XKR4: variants seen among roughly 807,000 people sequenced by gnomAD.
XKR4 encodes the protein XK related 4.
A neutral mutation model predicts 53.9 loss-of-function variants in XKR4; 12 were observed. The observed-to-expected ratio is 0.22, with a 90% CI of 0.14 to 0.36. XKR4 has a LOEUF of 0.36. Ranked by LOEUF, XKR4 falls within the 10% of genes least tolerant of loss-of-function variation. The pLI is 1.00. For missense variants in XKR4, 799 were observed against 859.5 expected, an observed-to-expected ratio of 0.93 and a Z score of 0.88; for synonymous variants, 354 against 362.4, an observed-to-expected ratio of 0.98 and a Z score of 0.26.
chr8:55,440,146 T>C (rs1345204145), intron 2 of XKR4, among the ~76,000 whole-genome samples: 1 of 152,194 alleles, frequency 6.6e-6, no homozygotes, highest in African/African-American at 2.4e-5. Context: ...CAGAATATAG[T>C]ATGTTTTAGT....
chr8:55,279,148 C>T (rs1376938781), intron 1 of XKR4, among the ~76,000 whole-genome samples: 1 of 152,204 alleles, frequency 6.6e-6, no homozygotes. Context: ...AGGCATTTGG[C>T]TGTGATCTCA....
At chr8:55,449,566 G>A (rs987816747) in intron 2 of XKR4, 45 of 1,472,564 alleles carry the variant, frequency 3.1e-5, no homozygotes, top group Non-Finnish European at 3.9e-5. Flanking sequence ...CTGAGGGCAC[G>A]TCCTGGGCAC....
intron 1 of XKR4, among the ~76,000 whole-genome samples, chr8:55,348,736 T>C (rs567909600): frequency 6.9e-6 from 1 of 143,948 alleles, no homozygotes; most frequent in South Asian, 2.2e-4. Flanking sequence ...AGAGAGATGA[T>C]AGATAAAAGA....
chr8:55,305,192 T>C (rs1819277601), intron 1 of XKR4, among the ~76,000 whole-genome samples: 1 of 152,114 alleles, frequency 6.6e-6, no homozygotes, highest in Non-Finnish European at 1.5e-5. Flanking sequence ...AAAATTCAAT[T>C]CCTTGCAACA....
chr8:55,224,913 G>T (rs1032860006), intron 1 of XKR4, among the ~76,000 whole-genome samples: 3 of 152,092 alleles, frequency 2.0e-5, no homozygotes. Context: ...GCACTAAAGG[G>T]GTTAAAAGAC....
intron 1 of XKR4, among the ~76,000 whole-genome samples, chr8:55,321,860 G>T (rs917667374): frequency 2.0e-5 from 3 of 152,074 alleles, no homozygotes; most frequent in Non-Finnish European, 4.4e-5. Context: ...GTGGTGGCAC[G>T]CGCCTGTAGT....
chr8:55,208,134 A>T (rs1174211664), intron 1 of XKR4, among the ~76,000 whole-genome samples: 6 of 152,216 alleles, frequency 3.9e-5, no homozygotes, highest in Admixed American at 3.9e-4. Flanking sequence ...CAAATAATTA[A>T]CATATTCTTC....
chr8:55,372,509 A>C (rs922072687), intron 2 of XKR4, among the ~76,000 whole-genome samples: 2 of 152,160 alleles, frequency 1.3e-5, no homozygotes, highest in African/African-American at 4.8e-5. Context: ...CTTAATAAAA[A>C]ATTCAAAAGT....
chr8:55,231,292 T>C (rs557736830), intron 1 of XKR4, among the ~76,000 whole-genome samples: 5 of 152,310 alleles, frequency 3.3e-5, no homozygotes, highest in Non-Finnish European at 7.4e-5. Flanking sequence ...TACATGTAGT[T>C]AGCTTGACAT....
chr8:55,321,792 C>T (rs2129379514), intron 1 of XKR4, among the ~76,000 whole-genome samples: 1 of 152,280 alleles, frequency 6.6e-6, no homozygotes, highest in East Asian at 1.9e-4. Flanking sequence ...AGATCAAGAA[C>T]ATCCTGGCCA....
intron 2 of XKR4, among the ~76,000 whole-genome samples, chr8:55,494,468 A>C (rs935608088): frequency 1.3e-5 from 2 of 152,174 alleles, no homozygotes; most frequent in Admixed American, 1.3e-4. Context: ...AATGGGTCCC[A>C]AGTTCTTGTC....
At chr8:55,258,344 G>T (rs1818470016) in intron 1 of XKR4, among the ~76,000 whole-genome samples, 1 of 152,184 alleles carries the variant, frequency 6.6e-6, no homozygotes, top group Non-Finnish European at 1.5e-5. Flanking sequence ...ATGGATCACA[G>T]GGAGGCTTTA....
At chr8:55,339,988 C>A (rs531820363) in intron 1 of XKR4, among the ~76,000 whole-genome samples, 1 of 152,080 alleles carries the variant, frequency 6.6e-6, no homozygotes, top group Non-Finnish European at 1.5e-5. Flanking sequence ...AAATTGAATC[C>A]AAAGCATGAC....
At chr8:55,238,940 T>C (rs2129367965) in intron 1 of XKR4, among the ~76,000 whole-genome samples, 1 of 152,324 alleles carries the variant, frequency 6.6e-6, no homozygotes, top group Non-Finnish European at 1.5e-5. Flanking sequence ...GTTCTCTATC[T>C]ATCTGACTTT....
At chr8:55,341,662 T>C (rs375439594) in intron 1 of XKR4, among the ~76,000 whole-genome samples, 1 of 152,246 alleles carries the variant, frequency 6.6e-6, no homozygotes, top group Non-Finnish European at 1.5e-5. Flanking sequence ...GGAAACCTTA[T>C]CTTCAAGTTA....
At chr8:55,319,046 T>A (rs915224204) in intron 1 of XKR4, among the ~76,000 whole-genome samples, 2 of 152,196 alleles carry the variant, frequency 1.3e-5, no homozygotes, top group African/African-American at 4.8e-5. Context: ...TTCATTTTCT[T>A]CTCTTTGTGG....
At chr8:55,395,507 G>C (rs925759592) in intron 2 of XKR4, among the ~76,000 whole-genome samples, 9 of 152,068 alleles carry the variant, frequency 5.9e-5, no homozygotes, top group African/African-American at 1.9e-4. Flanking sequence ...GAAGCAGATG[G>C]ACCCAGCCCA....
chr8:55,497,908 C>T (rs1585606863), intron 2 of XKR4, among the ~76,000 whole-genome samples: 1 of 152,108 alleles, frequency 6.6e-6, no homozygotes, highest in African/African-American at 2.4e-5. Context: ...CTGCAAGACC[C>T]TACACCAGTG....
chr8:55,308,032 A>T (rs1413906135), intron 1 of XKR4, among the ~76,000 whole-genome samples: 1 of 152,200 alleles, frequency 6.6e-6, no homozygotes, highest in African/African-American at 2.4e-5. Context: ...AGGCGGGCAG[A>T]TCACGAGGTC....
Sources: gnomAD v4.1 joint callset for allele counts (sites outside exome capture counted in the v4.1 genomes callset) on GRCh38, gnomAD v4.1.1 for gene constraint, MANE v1.5 for transcripts, NCBI Gene and HGNC (gene_info 2026-07-23, HGNC 2026-07-21) for gene names.